Variants in WWOX observed in about 807,000 individuals in gnomAD.
The protein encoded by WWOX is WW domain-containing oxidoreductase.
Under a neutral mutation model 46.2 loss-of-function variants are expected in WWOX, and 69 were observed. That is an observed-to-expected ratio of 1.49 (90% confidence interval 1.23 to 1.82). WWOX has a LOEUF of 1.82. WWOX is among the 40% of genes most tolerant of loss of function. The pLI, the probability that WWOX is intolerant of heterozygous loss-of-function variation, is 0.00. For synonymous variants in WWOX, 359 were observed against 202.6 expected, an observed-to-expected ratio of 1.77 and a Z score of -6.56; for missense variants, 919 against 542.6, an observed-to-expected ratio of 1.69 and a Z score of -6.89.
chr16:78,725,731 C>G (rs1331360017), intron 8 of WWOX, among the ~76,000 whole-genome samples: 1 of 152,038 alleles, frequency 6.6e-6, no homozygotes, highest in Admixed American at 6.6e-5. Context: ...AGTCCAAAAT[C>G]AAGGTGTCAG....
At chr16:79,089,580 T>C (rs2048916340) in intron 8 of WWOX, among the ~76,000 whole-genome samples, 2 of 152,258 alleles carry the variant, frequency 1.3e-5, no homozygotes, top group South Asian at 4.1e-4. Context: ...TCTGCCCGCC[T>C]CAAAGTCCCA....
intron 8 of WWOX, among the ~76,000 whole-genome samples, chr16:78,457,268 T>A (rs1334693029): frequency 6.6e-6 from 1 of 152,220 alleles, no homozygotes; most frequent in Non-Finnish European, 1.5e-5. Flanking sequence ...AAAGCTCTCC[T>A]GCAAATATTC....
intron 5 of WWOX, among the ~76,000 whole-genome samples, chr16:78,194,398 G>A (rs1336423986): frequency 6.6e-6 from 1 of 151,532 alleles, no homozygotes; most frequent in East Asian, 2.0e-4. Flanking sequence ...GACCAGCCTG[G>A]CCAACATGGT....
intron 8 of WWOX, among the ~76,000 whole-genome samples, chr16:78,500,450 TTTTG>T (rs1283036386): frequency 7.2e-5 from 11 of 152,044 alleles, no homozygotes; most frequent in African/African-American, 2.7e-4. Context: ...TTTGTTCCGC[TTTTG>T]TTTGTTTTTT....
chr16:78,681,911 T>C (rs1268763417), intron 8 of WWOX, among the ~76,000 whole-genome samples: 5 of 152,172 alleles, frequency 3.3e-5, no homozygotes, highest in African/African-American at 1.2e-4. Flanking sequence ...CCCCTCATTC[T>C]CTAGTTCTGG....
intron 8 of WWOX, among the ~76,000 whole-genome samples, chr16:79,107,314 C>G (rs550017462): frequency 6.6e-6 from 1 of 151,202 alleles, no homozygotes; most frequent in East Asian, 2.0e-4. Context: ...TCTTCAACTC[C>G]TGAGCTCAAG....
chr16:79,049,845 A>AG (rs1283861253), intron 8 of WWOX, among the ~76,000 whole-genome samples: 10 of 151,942 alleles, frequency 6.6e-5, no homozygotes, highest in Admixed American at 3.9e-4. Flanking sequence ...AAAAAAAAAA[A>AG]AAAAAAAAGT....
intron 8 of WWOX, among the ~76,000 whole-genome samples, chr16:78,847,356 C>T (rs2052326088): frequency 6.6e-6 from 1 of 152,172 alleles, no homozygotes; most frequent in Non-Finnish European, 1.5e-5. Flanking sequence ...ATTTATATTT[C>T]TTTCTGGACA....
intron 8 of WWOX, among the ~76,000 whole-genome samples, chr16:79,149,422 T>G (rs1187635716): frequency 6.6e-6 from 1 of 152,216 alleles, no homozygotes; most frequent in Non-Finnish European, 1.5e-5. Flanking sequence ...CATTGTTGGA[T>G]ACAGTTTGCT....
At chr16:79,211,241 GAGA>G (rs1471833262) in intron 8 of WWOX, among the ~76,000 whole-genome samples, 1 of 152,132 alleles carries the variant, frequency 6.6e-6, no homozygotes, top group Non-Finnish European at 1.5e-5. Context: ...ATTATACATG[GAGA>G]AGTTGAGGGG....
At chr16:78,435,118 G>T (rs377628538) in intron 8 of WWOX, among the ~76,000 whole-genome samples, 1 of 152,092 alleles carries the variant, frequency 6.6e-6, no homozygotes, top group Non-Finnish European at 1.5e-5. Context: ...TAGCTGTTTT[G>T]GGAGTACGTG....
chr16:79,033,145 T>C (rs1347967072), intron 8 of WWOX, among the ~76,000 whole-genome samples: 2 of 146,902 alleles, frequency 1.4e-5, no homozygotes, highest in Non-Finnish European at 3.0e-5. Flanking sequence ...GTAGATGTAA[T>C]ATATATATAA....
intron 8 of WWOX, among the ~76,000 whole-genome samples, chr16:78,959,977 A>G (rs1194182285): frequency 6.6e-6 from 1 of 152,174 alleles, no homozygotes; most frequent in Non-Finnish European, 1.5e-5. Context: ...GTATAAGGTG[A>G]GAGACTTCTG....
chr16:79,083,017 A>T (rs1405274577), intron 8 of WWOX, among the ~76,000 whole-genome samples: 1 of 152,172 alleles, frequency 6.6e-6, no homozygotes, highest in Non-Finnish European at 1.5e-5. Context: ...ACTCCTACCA[A>T]AGACACAGCA....
chr16:78,687,502 C>A (rs1029856288), intron 8 of WWOX, among the ~76,000 whole-genome samples: 2 of 152,096 alleles, frequency 1.3e-5, no homozygotes, highest in African/African-American at 4.8e-5. Context: ...CTTCTCAGGG[C>A]GTCCTAATTG....
intron 8 of WWOX, among the ~76,000 whole-genome samples, chr16:79,099,597 A>T (rs2049150823): frequency 7.5e-6 from 1 of 133,830 alleles, no homozygotes; most frequent in South Asian, 2.2e-4. Flanking sequence ...TGTTTGTGAG[A>T]GAGAGAGAGA....
intron 8 of WWOX, among the ~76,000 whole-genome samples, chr16:78,857,870 A>G (rs2052603035): frequency 6.6e-6 from 1 of 152,232 alleles, no homozygotes; most frequent in African/African-American, 2.4e-5. Flanking sequence ...AATTAAACAC[A>G]TGCCTTTTGA....
chr16:78,668,707 A>G (rs1047597094), intron 8 of WWOX, among the ~76,000 whole-genome samples: 1 of 152,136 alleles, frequency 6.6e-6, no homozygotes, highest in East Asian at 1.9e-4. Context: ...TTTGGAATCT[A>G]CATGGGTGTT....
At chr16:78,438,084 T>TTTAG (rs2083372051) in intron 8 of WWOX, among the ~76,000 whole-genome samples, 1 of 152,208 alleles carries the variant, frequency 6.6e-6, no homozygotes, top group African/African-American at 2.4e-5. Context: ...GTGTGATGAC[T>TTTAG]TTAGAATCCT....
Sources: gnomAD v4.1 joint callset for allele counts (sites outside exome capture counted in the v4.1 genomes callset) on GRCh38, gnomAD v4.1.1 for gene constraint, MANE v1.5 for transcripts, NCBI Gene and HGNC (gene_info 2026-07-23, HGNC 2026-07-21) for gene names.